PTPDC1: variants seen among roughly 807,000 people sequenced by gnomAD.
PTPDC1 encodes the protein protein tyrosine phosphatase domain-containing protein 1.
PTPDC1 carries 53 observed loss-of-function variants against 75.3 expected under a neutral mutation model. The ratio of observed to expected loss-of-function variants is 0.70; its 90% CI spans 0.56 to 0.88. PTPDC1 has a LOEUF of 0.88. Among genes scored for constraint, PTPDC1 ranks in the 40% least tolerant of loss-of-function variants. The probability of loss-of-function intolerance (pLI) is 0.00; values close to 1 mark genes in which losing one functional copy is unlikely to be tolerated. For synonymous variants in PTPDC1, 349 were observed against 366.2 expected (o/e 0.95, Z 0.54); for missense variants, 925 against 998.6 (o/e 0.93, Z 0.99).
chr9:94,044,698 T>G (rs1825533976), intron 1 of PTPDC1, among the ~76,000 whole-genome samples: 3 of 151,078 alleles, frequency 2.0e-5, no homozygotes, highest in Non-Finnish European at 4.4e-5. Context: ...AAGAGAGCTT[T>G]CTTTCTTTCC....
chr9:94,097,115 T>C (rs1213368481), intron 5 of PTPDC1, among the ~76,000 whole-genome samples: 2 of 152,170 alleles, frequency 1.3e-5, no homozygotes, highest in Non-Finnish European at 2.9e-5. Context: ...CATAGACATT[T>C]AATAAAGTTC....
chr9:94,105,598 G>A (rs890590986), intron 8 of PTPDC1, among the ~76,000 whole-genome samples: 2 of 151,302 alleles, frequency 1.3e-5, no homozygotes, highest in Non-Finnish European at 2.9e-5. Context: ...AACCCGGGAG[G>A]TGGAGGTTGC....
intron 2 of PTPDC1, 78 bp from the exon 3 acceptor site, chr9:94,087,753 C>T (rs530267741): frequency 5.3e-5 from 51 of 957,244 alleles, no homozygotes; most frequent in Non-Finnish European, 7.7e-5. Flanking sequence ...AAAATCATCT[C>T]TCAGGACTGG....
rs533516502 is a variant in PTPDC1, at chr9:94,047,208, G to T, written c.-7+16081G>T. 8.0e-4 allele frequency among the ~76,000 whole-genome samples: 122 copies of T among 152,292 alleles called. 1 individual carries two copies. Among genetic ancestry groups the T allele is most frequent in the African/African-American group, 2.9e-3 (119 of 41,574 alleles). The stretch of plus-strand genomic sequence containing the variant: ...CAGGGATGAAGCCCACTTGATCATG[G>T]TGGATAAGCTTTTTGATGTGCTGCT... On this transcript the variant is annotated intron_variant, in intron 1 of 9. Coordinates refer to the PTPDC1 transcript ENST00000375360.
intron 4 of PTPDC1, among the ~76,000 whole-genome samples, chr9:94,090,400 C>A (rs138667553): frequency 0.029 from 4,454 of 151,082 alleles, 203 homozygotes; most frequent in African/African-American, 0.1. Flanking sequence ...AGATATGTGG[C>A]GTTATTTCTG....
At position 94,104,293 on chromosome 9, in the gene PTPDC1, C is replaced by G; in HGVS notation, c.2218C>G (p.Leu740Val). ...AAAACAGGGACAGCACCAGACTATT[C>G]TCTGCGTGTTGCACTGCATAGTGAA... ...LLEKGQHQTI[L>V]CVLHCIVNLQ... The change falls in exon 8 of 9, where the codon CTC (leucine) becomes GTC (valine). Residue 740 changes from leucine to valine, a missense_variant. Physicochemically the swap from Leu to Val is conservative, Grantham distance 32. Coordinates refer to ENST00000620992, the MANE Select transcript of PTPDC1 (RefSeq NM_001253829.2). 1 of 1,613,370 alleles carries G rather than the reference C, an allele frequency of 6.2e-7. No individual in the cohort carries two copies.
At chr9:94,039,849 T>C (rs1045448698) in intron 1 of PTPDC1, among the ~76,000 whole-genome samples, 2 of 152,210 alleles carry the variant, frequency 1.3e-5, no homozygotes, top group Non-Finnish European at 2.9e-5. Context: ...TTTCTTAATC[T>C]ATAGTAGATT....
At chr9:94,093,062 T>C (rs1294586748) in intron 4 of PTPDC1, among the ~76,000 whole-genome samples, 2 of 152,166 alleles carry the variant, frequency 1.3e-5, no homozygotes, top group Admixed American at 6.5e-5. Context: ...TGTCTTTTAA[T>C]TGGAGCATTT....
At chr9:94,095,276 T>A (rs1446832101) in intron 4 of PTPDC1, 41 bp from the exon 5 acceptor site, 1 of 1,528,316 alleles carries the variant, frequency 6.5e-7, no homozygotes, top group Admixed American at 1.7e-5. Flanking sequence ...TTTCATTAAT[T>A]TCCTGTATGT....
chr9:94,053,826 T>G (rs1260050906), intron 1 of PTPDC1, among the ~76,000 whole-genome samples: 2 of 152,232 alleles, frequency 1.3e-5, no homozygotes, highest in Non-Finnish European at 2.9e-5. Context: ...GATAGTGCTA[T>G]TTCTTGTGTT....
intron 2 of PTPDC1, among the ~76,000 whole-genome samples, chr9:94,073,934 A>G (rs57579121): frequency 0.049 from 7,414 of 152,130 alleles, 254 homozygotes; most frequent in East Asian, 0.15. Flanking sequence ...GTTTGATTTC[A>G]TTGTGGGCAG....
In PTPDC1 at chr9:94,097,929, G is replaced by A. The variant is rs1248083473; in HGVS notation, c.1363G>A (p.Ala455Thr). The change falls in exon 6 of 9, where the codon GCC becomes ACC. Residue 455 changes from alanine to threonine, a missense_variant. Ala to Thr is a moderately conservative substitution (Grantham distance 58). Transcript: ENST00000620992. ...LSYSDSDLKR[A>T]ENLLEQGETP... ...CTACAGTGACTCAGATTTAAAGAGGGCCGAGAACCTCCTGGAGCAAGGGGA... is the reference window on the plus strand; with the variant it reads ...CTACAGTGACTCAGATTTAAAGAGGACCGAGAACCTCCTGGAGCAAGGGGA... The A allele has an allele frequency of 6.2e-7, 1 of 1,614,160 alleles. No homozygotes were observed. The highest frequency in any genetic ancestry group is 1.1e-5 in the South Asian group (1 of 91,076).
chr9:94,079,761 A>G (rs1826815272), upstream of PTPDC1, among the ~76,000 whole-genome samples: 1 of 152,212 alleles, frequency 6.6e-6, no homozygotes. Context: ...TCTACTAGCC[A>G]TGTCTCTGGA....
intron 2 of PTPDC1, among the ~76,000 whole-genome samples, chr9:94,077,400 G>A (rs1475919874): frequency 6.6e-6 from 1 of 152,162 alleles, no homozygotes; most frequent in Non-Finnish European, 1.5e-5. Context: ...TACTTCTGAT[G>A]CCAGTCACAA....
chr9:94,047,493 T>C (rs941186223), intron 1 of PTPDC1, among the ~76,000 whole-genome samples: 4 of 151,780 alleles, frequency 2.6e-5, no homozygotes, highest in Admixed American at 2.0e-4. Context: ...CACCCTAACA[T>C]CACAATTAAA....
At chr9:94,069,914 T>TC (rs1349679870) in intron 2 of PTPDC1, among the ~76,000 whole-genome samples, 2 of 144,636 alleles carry the variant, frequency 1.4e-5, no homozygotes, top group Non-Finnish European at 3.0e-5. Flanking sequence ...AACCTCCGCC[T>TC]CCCGGGTTCA....
rs766302567 is a variant in PTPDC1 at position 94,107,856 on chromosome 9, C to G, written c.2339C>G (p.Thr780Arg). The G allele has an allele frequency of 1.9e-6, 3 of 1,605,274 alleles. No individual in the cohort carries two copies. The highest frequency in any genetic ancestry group is 2.5e-6 in the Non-Finnish European group (3 of 1,176,612). ...AATTTTGATTCTGAAAATGGACCAA[C>G]AGTTTACAACACCCTGAAGAAAATA... Reference protein sequence around the residue: ...KVNFDSENGPTVYNTLKKIFK... With the variant: ...KVNFDSENGPRVYNTLKKIFK... Residue 780 changes from threonine to arginine, a missense_variant, in exon 9 of 9, where the codon ACA (threonine) becomes AGA (arginine). By Grantham distance (71) the Thr-to-Arg change is moderately conservative. Coordinates refer to ENST00000620992, the MANE Select transcript of PTPDC1 (RefSeq NM_001253829.2).
upstream of PTPDC1, among the ~76,000 whole-genome samples, chr9:94,082,245 A>G (rs1196233346): frequency 2.0e-5 from 3 of 152,250 alleles, no homozygotes; most frequent in Non-Finnish European, 4.4e-5. Context: ...AAATTCCTGG[A>G]AGTAACTCCT....
chr9:94,064,648 G>T, intron 1 of PTPDC1: 1 of 875,630 alleles, frequency 1.1e-6, no homozygotes, highest in South Asian at 1.6e-5. Context: ...TGCAGCATTG[G>T]ATAACAAAGG....
Sources: gnomAD v4.1 joint callset for allele counts (sites outside exome capture counted in the v4.1 genomes callset) on GRCh38, gnomAD v4.1.1 for gene constraint, MANE v1.5 for transcripts, NCBI Gene and HGNC (gene_info 2026-07-23, HGNC 2026-07-21) for gene names.